Variants in SHOX observed in about 807,000 individuals in gnomAD.
The protein encoded by SHOX is SHOX homeobox.
A neutral mutation model predicts 29.6 loss-of-function variants in SHOX; 12 were observed. The ratio of observed to expected loss-of-function variants is 0.41; its 90% confidence interval spans 0.26 to 0.66. The LOEUF is 0.66. Among genes scored for constraint, SHOX ranks in the 30% least tolerant of loss-of-function variants. The pLI is 0.35. For synonymous variants in SHOX, 214 were observed against 200.6 expected, an observed-to-expected ratio of 1.07 and a Z score of -0.57; for missense variants, 499 against 437.7, an observed-to-expected ratio of 1.14 and a Z score of -1.25.
chrX:653,155 C>T (rs1342360137), downstream of SHOX, among the ~76,000 whole-genome samples: 4 of 152,108 alleles, frequency 2.6e-5, no homozygotes, highest in African/African-American at 4.8e-5. Context: ...GCAGGAGAAT[C>T]GCTTGGACCC....
chrX:636,970 A>ATATATATATATTTTTTT (rs1458275715), intron 2 of SHOX, among the ~76,000 whole-genome samples: 1 of 137,330 alleles, frequency 7.3e-6, no homozygotes, highest in African/African-American at 2.8e-5. Context: ...ATATATATAT[A>ATATATATATATTTTTTT]TTTTGGCTCC....
chrX:626,978 C>G (rs1181015217), upstream of SHOX, among the ~76,000 whole-genome samples: 1 of 151,696 alleles, frequency 6.6e-6, no homozygotes, highest in Non-Finnish European at 1.5e-5. Context: ...CTGTCTACCT[C>G]TGTCTCTCTC....
downstream of SHOX, among the ~76,000 whole-genome samples, chrX:654,601 TTA>T (rs1376676047): frequency 9.4e-6 from 1 of 106,712 alleles, no homozygotes. Context: ...TTTATAACAA[TTA>T]AAAAAAGTCA....
At chrX:658,912 C>G (rs1256509584) in exon 6 of SHOX, 17 of 276,398 alleles carry the variant, frequency 6.2e-5, no homozygotes, top group South Asian at 3.9e-4. Context: ...TTACAGGTGC[C>G]CACCACCATG....
rs186096724 is a variant in SHOX at position 643,030 on chromosome X, A to G, written c.634-1361A>G. Among the ~76,000 whole-genome samples, 497 of 99,968 alleles carry G rather than the reference A, an allele frequency of 5.0e-3. 18 individuals carry two copies. In the East Asian group the frequency reaches 0.11, roughly 23 times the overall value. The allele number at this position is 99,968 out of a possible 152,430, so 65.6% of individuals were successfully genotyped here. A position where few individuals can be genotyped will look rare whatever the true frequency, so the allele number is the denominator to read the frequency against. On this transcript the variant is annotated intron_variant, in intron 4 of 4. Coordinates refer to ENST00000686671, the MANE Select transcript of SHOX (RefSeq NM_000451.4). ...CCTGGTGTCTCTGGAAGAGGCTTGG[A>G]CACCTGGTGACCCGGGAGGGCCTTG... is the stretch of plus-strand genomic sequence containing the variant.
At chrX:624,904 C>CCTT (rs2052485624) in intron 1 of SHOX, among the ~76,000 whole-genome samples, 6 of 94,848 alleles carry the variant, frequency 6.3e-5, no homozygotes, top group African/African-American at 2.0e-4. Context: ...CTTTCTTTCT[C>CCTT]TCTTCCTTTC....
intron 4 of SHOX, among the ~76,000 whole-genome samples, chrX:641,813 C>T: frequency 6.6e-6 from 1 of 152,318 alleles, no homozygotes; most frequent in Non-Finnish European, 1.5e-5. Context: ...GCACCCCCAC[C>T]TGGCTTGCTG....
chrX:650,635 T>C lies in SHOX; in HGVS notation c.*5999T>C, dbSNP rs2053039874. 6.6e-6 allele frequency among the ~76,000 whole-genome samples: 1 copy of C among 151,514 alleles called. No individual in the cohort carries two copies. Reference sequence around the variant, plus strand: ...GAACAAGCAGAAGCCTCCAGCTCCCTTTAGCTCCACAGTTTTCCCGGGGAC... The same window carrying C: ...GAACAAGCAGAAGCCTCCAGCTCCCCTTAGCTCCACAGTTTTCCCGGGGAC... On this transcript the variant is annotated 3_prime_UTR_variant, in exon 5 of 5. Transcript: ENST00000686671.
chrX:636,018 A>G (rs1309972693), intron 2 of SHOX, among the ~76,000 whole-genome samples: 1 of 151,986 alleles, frequency 6.6e-6, no homozygotes, highest in African/African-American at 2.4e-5. Context: ...TTCCCGTAGG[A>G]CTGGTTATGA....
At chrX:658,807 C>A in exon 6 of SHOX, 1 of 401,208 alleles carries the variant, frequency 2.5e-6, no homozygotes. Context: ...TCTTGTCGCC[C>A]GGGCTGGAGT....
intron 1 of SHOX, among the ~76,000 whole-genome samples, chrX:625,187 CCCT>C (rs1434398841): frequency 3.3e-4 from 43 of 128,648 alleles, no homozygotes; most frequent in South Asian, 6.0e-4. Flanking sequence ...CCTTCATCGT[CCCT>C]CCTCCTCCTC....
Position 644,620 on chromosome X carries a change from A to AG in SHOX, c.865dup (p.Ala289GlyfsTer102). On this transcript the variant is annotated frameshift_variant, in exon 5 of 5. Coordinates refer to ENST00000686671, the MANE Select transcript of SHOX (RefSeq NM_000451.4). LOFTEE classifies it high-confidence loss of function. ...CGGCTCAAGGCGCGGAAGCACGCGG[A>AG]GGCCCTGGGGCTCTGACCCGCCGCG... 1 of 1,505,510 alleles carries AG rather than the reference A, an allele frequency of 6.6e-7. No homozygotes were observed. Among genetic ancestry groups the AG allele is most frequent in the Non-Finnish European group, 8.8e-7 (1 of 1,134,294 alleles). 93.3% of individuals were successfully genotyped at this position (1,505,510 alleles called of 1,614,324 possible).
At chrX:625,058 C>CCTCCCTCCCTCCTTCT (rs1556451948) in intron 1 of SHOX, among the ~76,000 whole-genome samples, 25 of 75,258 alleles carry the variant, frequency 3.3e-4, no homozygotes, top group Admixed American at 1.6e-3. Flanking sequence ...TCTGTTCCTT[C>CCTCCCTCCCTCCTTCT]CTCCCTCCCT....
intron 2 of SHOX, among the ~76,000 whole-genome samples, chrX:639,861 C>A (rs111331953): frequency 0.1 from 15,262 of 148,898 alleles, 999 homozygotes; most frequent in South Asian, 0.16. Flanking sequence ...ATTAGCCAGG[C>A]ATGGTGGTGA....
At chrX:657,998 A>G (rs1324311963) in intron 5 of SHOX, among the ~76,000 whole-genome samples, 7 of 151,940 alleles carry the variant, frequency 4.6e-5, no homozygotes, top group Non-Finnish European at 7.4e-5. Flanking sequence ...TTTTTGAGAC[A>G]GAGTCTCACT....
At chrX:631,592 T>C (rs890419539) in intron 1 of SHOX, among the ~76,000 whole-genome samples, 41 of 152,234 alleles carry the variant, frequency 2.7e-4, no homozygotes, top group Non-Finnish European at 4.9e-4. Flanking sequence ...AGTGCAGTGG[T>C]GCGATCTCGG....
At chrX:639,955 C>G (rs1421413376) in intron 2 of SHOX, among the ~76,000 whole-genome samples, 1 of 149,776 alleles carries the variant, frequency 6.7e-6, no homozygotes, top group East Asian at 2.0e-4. Context: ...GAGGTGAGAT[C>G]ACACCACTGC....
Position 649,988 on chromosome X carries a change from T to G in SHOX, c.*5352T>G, listed in dbSNP as rs776390684. The stretch of plus-strand genomic sequence containing the variant: ...GGATGTATCGGATGTTGCTATTAGA[T>G]TTTCTTTCTCCGTTCGAGTCTCTGA... On this transcript the variant is annotated 3_prime_UTR_variant, in exon 5 of 5. Coordinates refer to ENST00000686671, the MANE Select transcript of SHOX (RefSeq NM_000451.4). 1.3e-4 allele frequency: 57 copies of G among 455,940 alleles called. No individual in the cohort carries two copies. The highest frequency in any genetic ancestry group is 6.5e-4 in the Middle Eastern group (2 of 3,092). The allele number at this position is 455,940 out of a possible 1,614,324, so 28.2% of individuals were successfully genotyped here. A position where few individuals can be genotyped will look rare whatever the true frequency, so the allele number is the denominator to read the frequency against.
chrX:653,622 T>TAA (rs34477233), downstream of SHOX, among the ~76,000 whole-genome samples: 3 of 148,500 alleles, frequency 2.0e-5, no homozygotes, highest in East Asian at 2.0e-4. Flanking sequence ...TGACCACATT[T>TAA]AAAAAAAAAA....
Sources: allele counts gnomAD v4.1 joint callset (sites outside exome capture counted in the v4.1 genomes callset), GRCh38; gene constraint gnomAD v4.1.1; transcripts MANE v1.5; gene names NCBI Gene and HGNC (gene_info 2026-07-23, HGNC 2026-07-21).